Variants in HECTD4 observed in about 807,000 individuals in gnomAD.
HECTD4 encodes HECT domain E3 ubiquitin protein ligase 4.
HECTD4 carries 114 observed loss-of-function variants against 471.5 expected under a neutral mutation model. The observed-to-expected ratio is 0.24, with a 90% CI of 0.21 to 0.28. The LOEUF (loss-of-function observed/expected upper bound fraction) is 0.28, where lower values mean the gene tolerates loss of function less well. Among genes scored for constraint, HECTD4 ranks in the 10% least tolerant of loss-of-function variants. The pLI, the probability that HECTD4 is intolerant of heterozygous loss-of-function variation, is 1.00. For synonymous variants in HECTD4, 2,012 were observed against 2,256.0 expected (o/e 0.89, Z 3.07); for missense variants, 3,866 against 5,651.5 (o/e 0.68, Z 10.13).
At chr12:112,164,401 G>GT (rs2030840218) in intron 72 of HECTD4, 126 bp from the exon 73 acceptor site, 1 of 972,530 alleles carries the variant, frequency 1.0e-6, no homozygotes, top group African/African-American at 1.6e-5. Context: ...AGATGAGCAT[G>GT]TGACACAGCT....
chr12:112,229,899 C>CTTCAGGACATGTCATAAGGG lies in HECTD4; in HGVS notation c.6337-20_6337-19insCCCTTATGACATGTCCTGAA. On this transcript the variant is annotated intron_variant, in intron 40 of 75. Transcript: ENST00000682272. ...ACAGAACCTAAATATAGAAGCAGCC[C>CTTCAGGACATGTCATAAGGG]GTGCACTAGGAGTTAAAGCTTTGGT... 1 of 1,598,506 alleles carries CTTCAGGACATGTCATAAGGG rather than the reference C, an allele frequency of 6.3e-7. No individual in the cohort carries two copies. Among genetic ancestry groups the CTTCAGGACATGTCATAAGGG allele is most frequent in the Non-Finnish European group, 8.5e-7 (1 of 1,171,212 alleles).
chr12:112,192,541 C>A lies in HECTD4; in HGVS notation c.9292+19G>T. 6.6e-7 allele frequency: 1 copy of A among 1,510,042 alleles called. No individual in the cohort carries two copies. The highest frequency in any genetic ancestry group is 8.9e-7 in the Non-Finnish European group (1 of 1,122,730). The allele number at this position is 1,510,042 out of a possible 1,614,324, so 93.5% of individuals were successfully genotyped here. On this transcript the variant is annotated intron_variant, in intron 59 of 75. Coordinates refer to ENST00000682272, the MANE Select transcript of HECTD4 (RefSeq NM_001388303.1). ...ATGACTCCAGCTGTTCTCATCATGA[C>A]AAGCTGCTGGAGACTCACCCAGTTT... is the stretch of plus-strand genomic sequence containing the variant.
intron 47 of HECTD4, 41 bp from the exon 48 acceptor site, chr12:112,216,412 A>T: frequency 7.1e-7 from 1 of 1,399,438 alleles, no homozygotes; most frequent in East Asian, 2.5e-5. Flanking sequence ...GACAAGAAAG[A>T]TAAGCCTCAC....
chr12:112,183,387 T>C, intron 61 of HECTD4, 121 bp from the exon 62 acceptor site: 2 of 782,356 alleles, frequency 2.6e-6, no homozygotes. Context: ...ATGTGAAAGC[T>C]GCCCTACTCT....
chr12:112,164,854 T>C (rs1228029553), intron 72 of HECTD4, among the ~76,000 whole-genome samples: 1 of 151,202 alleles, frequency 6.6e-6, no homozygotes, highest in Non-Finnish European at 1.5e-5. Flanking sequence ...ACTCCTGACC[T>C]CAGGTGATCT....
At position 112,243,842 on chromosome 12, in the gene HECTD4, TGG is replaced by T. The variant is rs1367626477; in HGVS notation, c.4649+30_4649+31del. The T allele has an allele frequency of 6.2e-7, 1 of 1,612,212 alleles. No individual in the cohort carries two copies. Among genetic ancestry groups the T allele is most frequent in the Middle Eastern group, 1.7e-4 (1 of 6,058 alleles). On this transcript the variant is annotated intron_variant, in intron 30 of 75. Transcript: ENST00000682272. The surrounding 1 kb of genome is among the most constrained non-coding windows in gnomAD (Gnocchi z 6.6). ...TTTGATGAATGCATTCAGCTGCATG[TGG>T]GAACCCAACCCCGGCCATTAGCCAT...
intron 55 of HECTD4, among the ~76,000 whole-genome samples, chr12:112,196,397 A>C (rs944621792): frequency 6.6e-6 from 1 of 152,194 alleles, no homozygotes; most frequent in Admixed American, 6.5e-5. Flanking sequence ...TTCTCATGCC[A>C]GGATGAACAA....
At chr12:112,252,128 A>G (rs957423792) in intron 23 of HECTD4, among the ~76,000 whole-genome samples, 2 of 152,162 alleles carry the variant, frequency 1.3e-5, no homozygotes, top group Non-Finnish European at 2.9e-5. Flanking sequence ...ATTAAGTTCT[A>G]TTGAGTCCTC....
chr12:112,358,023 T>C (rs543907562), intron 1 of HECTD4, among the ~76,000 whole-genome samples: 1 of 152,196 alleles, frequency 6.6e-6, no homozygotes, highest in Admixed American at 6.6e-5. Flanking sequence ...GCCAACATGG[T>C]GAAACCCTGT....
At chr12:112,369,491 A>C (rs1189514642) in intron 1 of HECTD4, among the ~76,000 whole-genome samples, 1 of 151,590 alleles carries the variant, frequency 6.6e-6, no homozygotes, top group African/African-American at 2.4e-5. Context: ...ACAGGCACCC[A>C]CCACCACGCC....
At chr12:112,198,745 A>T (rs1296545024) in intron 55 of HECTD4, among the ~76,000 whole-genome samples, 1 of 152,174 alleles carries the variant, frequency 6.6e-6, no homozygotes, top group Admixed American at 6.5e-5. Context: ...ATTATTTGTG[A>T]GTTAAAGGTC....
chr12:112,294,049 A>G (rs2034953583), intron 7 of HECTD4, among the ~76,000 whole-genome samples: 2 of 152,018 alleles, frequency 1.3e-5, no homozygotes, highest in African/African-American at 4.8e-5. Context: ...ACAGTCATGC[A>G]CCACCACACC....
chr12:112,348,063 T>C (rs1048189702), intron 1 of HECTD4, among the ~76,000 whole-genome samples: 1 of 152,220 alleles, frequency 6.6e-6, no homozygotes, highest in Admixed American at 6.5e-5. Flanking sequence ...CCATGAACTT[T>C]TATAATCTGA....
At chr12:112,176,941 A>G (rs952746656) in intron 64 of HECTD4, among the ~76,000 whole-genome samples, 7 of 152,104 alleles carry the variant, frequency 4.6e-5, no homozygotes, top group African/African-American at 1.7e-4. Flanking sequence ...CTTTTCAAAC[A>G]CTCTTTCTAC....
chr12:112,168,083 A>G (rs776634999), intron 70 of HECTD4, among the ~76,000 whole-genome samples, 166 bp from the exon 71 acceptor site: 8 of 152,144 alleles, frequency 5.3e-5, no homozygotes, highest in Non-Finnish European at 1.2e-4. Context: ...CTCAGGTCCA[A>G]TCCTGCTCTC....
At chr12:112,356,214 G>A (rs1327844384) in intron 1 of HECTD4, among the ~76,000 whole-genome samples, 1 of 152,050 alleles carries the variant, frequency 6.6e-6, no homozygotes, top group Non-Finnish European at 1.5e-5. Context: ...TAAAAAATCA[G>A]TACAGTGATA....
chr12:112,291,560 A>AC (rs376295968), intron 7 of HECTD4, among the ~76,000 whole-genome samples: 1,861 of 151,474 alleles, frequency 0.012, 19 homozygotes, highest in Non-Finnish European at 0.018. Context: ...ACATAGTGAG[A>AC]CCCCCCCATC....
intron 70 of HECTD4, among the ~76,000 whole-genome samples, chr12:112,169,085 A>C (rs1290514633): frequency 6.6e-6 from 1 of 152,188 alleles, no homozygotes; most frequent in Non-Finnish European, 1.5e-5. Flanking sequence ...GGGGCTAAGC[A>C]TAAGAGGTCA....
rs753781460 is a variant in HECTD4, at chr12:112,246,926, G to A, written c.4488C>T (p.Ile1496=). ...CTGGTGTTTCAGCAGGGGTCCCAGAGATGCTTCTCGTGAGGCCCGACTGGG... is the reference window on the plus strand; with the variant it reads ...CTGGTGTTTCAGCAGGGGTCCCAGAAATGCTTCTCGTGAGGCCCGACTGGG... The part of the protein sequence containing the change: ...IAAQSGLTRS[I]SGTPAETPAC... The change falls in exon 29 of 76, where the codon ATC becomes ATT. Residue 1496 remains isoleucine, a synonymous_variant. Transcript: ENST00000682272. 6.2e-7 allele frequency: 1 copy of A among 1,612,194 alleles called. No homozygotes were observed. Among genetic ancestry groups the A allele is most frequent in the South Asian group, 1.1e-5 (1 of 90,958 alleles).
Sources: allele counts gnomAD v4.1 joint callset (sites outside exome capture counted in the v4.1 genomes callset), GRCh38; gene constraint gnomAD v4.1.1; non-coding constraint Gnocchi (gnomAD v3.1); transcripts MANE v1.5; gene names NCBI Gene and HGNC (gene_info 2026-07-23, HGNC 2026-07-21).